Variants in RBMS3 observed in about 807,000 individuals in gnomAD.
The protein encoded by RBMS3 is RNA binding motif single stranded interacting protein 3.
In RBMS3, 27 loss-of-function variants were observed where a neutral mutation model predicts 66.8. The observed-to-expected ratio is 0.40, with a 90% CI of 0.30 to 0.56. RBMS3 has a LOEUF of 0.56. Ranked by LOEUF, RBMS3 falls within the 20% of genes least tolerant of loss-of-function variation. The pLI is 0.40. For missense variants in RBMS3, 513 were observed against 549.5 expected (o/e 0.93, Z 0.66); for synonymous variants, 188 against 183.0 (o/e 1.03, Z -0.22).
At chr3:29,941,437 G>A (rs1449288) in intron 11 of RBMS3, among the ~76,000 whole-genome samples, 128,929 of 151,778 alleles carry the variant, frequency 0.85, 55,196 homozygotes, top group East Asian at 0.95. Context: ...AATGGTAATG[G>A]GTACATCTAA....
chr3:29,627,551 T>C (rs1048390569), intron 4 of RBMS3, among the ~76,000 whole-genome samples: 2 of 152,140 alleles, frequency 1.3e-5, no homozygotes, highest in African/African-American at 4.8e-5. Context: ...ATTGTTTATA[T>C]GTTAGCTTAG....
At chr3:29,548,197 A>G (rs2046040669) in intron 3 of RBMS3, among the ~76,000 whole-genome samples, 1 of 152,092 alleles carries the variant, frequency 6.6e-6, no homozygotes, top group Admixed American at 6.6e-5. Flanking sequence ...AGGCCAAAGC[A>G]GGAAGATTGT....
At chr3:29,462,758 A>G (rs2042412623) in intron 2 of RBMS3, among the ~76,000 whole-genome samples, 1 of 152,212 alleles carries the variant, frequency 6.6e-6, no homozygotes, top group Non-Finnish European at 1.5e-5. Context: ...TCTATAACCC[A>G]GAGGGATGGA....
chr3:29,611,292 G>A (rs958177703), intron 4 of RBMS3, among the ~76,000 whole-genome samples: 2 of 152,018 alleles, frequency 1.3e-5, no homozygotes, highest in Non-Finnish European at 2.9e-5. Flanking sequence ...CCGTTTAGAA[G>A]GCATATTCTT....
intron 3 of RBMS3, among the ~76,000 whole-genome samples, chr3:29,547,305 T>C (rs1456035083): frequency 3.3e-5 from 5 of 152,144 alleles, no homozygotes; most frequent in Non-Finnish European, 7.3e-5. Flanking sequence ...CAGAAAGTCA[T>C]CAAATTACTG....
intron 4 of RBMS3, among the ~76,000 whole-genome samples, chr3:29,671,662 CAAGTGGAAGAA>C (rs984816118): frequency 2.6e-5 from 4 of 152,082 alleles, no homozygotes; most frequent in Non-Finnish European, 5.9e-5. Context: ...CTAATTCGAT[CAAGTGGAAGAA>C]AGGGTATCAG....
In RBMS3 at chr3:29,488,390, G is replaced by GTCT. The variant is rs777211776; in HGVS notation, c.249-48_249-46dup. The GTCT allele has an allele frequency of 4.7e-6, 7 of 1,491,406 alleles. No homozygotes were observed. In the African/African-American group the frequency reaches 9.8e-5, roughly 21 times the overall value. 92.4% of individuals were successfully genotyped at this position (1,491,406 alleles called of 1,614,324 possible). A position where few individuals can be genotyped will look rare whatever the true frequency, so the allele number is the denominator to read the frequency against. ...CGATGTTCATTAGAGTGTTTTAAGTGTCTTCAATGGGTTACAATAACATGG... is the reference window on the plus strand; with the variant it reads ...CGATGTTCATTAGAGTGTTTTAAGTGTCTTCTTCAATGGGTTACAATAACATGG... On this transcript the variant is annotated intron_variant, in intron 2 of 14. Transcript: ENST00000383767.
At chr3:29,808,154 A>T (rs1420613136) in intron 6 of RBMS3, among the ~76,000 whole-genome samples, 1 of 151,874 alleles carries the variant, frequency 6.6e-6, no homozygotes, top group Non-Finnish European at 1.5e-5. Flanking sequence ...ATCACACGCT[A>T]CTTGGGACCA....
intron 4 of RBMS3, chr3:29,614,826 A>C (rs372078310): frequency 6.6e-5 from 10 of 152,174 alleles, no homozygotes; most frequent in African/African-American, 2.4e-4. Flanking sequence ...CTTGATATAG[A>C]TCTATTTTAA....
intron 6 of RBMS3, among the ~76,000 whole-genome samples, chr3:29,866,186 G>A (rs371912121): frequency 4.0e-5 from 6 of 151,554 alleles, no homozygotes; most frequent in African/African-American, 1.5e-4. Flanking sequence ...TGATGGATAT[G>A]TTCATTATCT....
chr3:29,538,040 T>C (rs1463662824), intron 3 of RBMS3, among the ~76,000 whole-genome samples: 1 of 152,126 alleles, frequency 6.6e-6, no homozygotes, highest in Non-Finnish European at 1.5e-5. Flanking sequence ...GAAAGTAACC[T>C]GGGCCTGTCA....
intron 4 of RBMS3, among the ~76,000 whole-genome samples, chr3:29,625,409 T>C (rs2049022878): frequency 1.3e-5 from 2 of 152,230 alleles, no homozygotes; most frequent in African/African-American, 2.4e-5. Flanking sequence ...AGAAGTCTTT[T>C]CTTGCCAGGC....
rs797013156 is a variant in RBMS3, at chr3:29,470,908, C to T, written c.249-17533C>T. ...ATAAGTGTGTAAATTATAAACCACC[C>T]AGTGAATGGCATTAGTTACTGCTTA... On this transcript the variant is annotated intron_variant, in intron 2 of 14. Coordinates refer to ENST00000383767, the MANE Select transcript of RBMS3 (RefSeq NM_001003793.3). Among the ~76,000 whole-genome samples the T allele has an allele frequency of 1.6e-3, 249 of 152,112 alleles. 1 individual carries two copies. The highest frequency in any genetic ancestry group is 5.8e-3 in the African/African-American group (240 of 41,508).
intron 6 of RBMS3, among the ~76,000 whole-genome samples, chr3:29,828,592 A>G (rs1045334740): frequency 1.3e-5 from 2 of 152,180 alleles, no homozygotes; most frequent in African/African-American, 4.8e-5. Context: ...CTAGTTCCTT[A>G]AATAAGAAAT....
At chr3:29,570,431 A>AT (rs976786426) in intron 3 of RBMS3, among the ~76,000 whole-genome samples, 5 of 151,986 alleles carry the variant, frequency 3.3e-5, no homozygotes, top group Non-Finnish European at 7.4e-5. Flanking sequence ...CTTTCAAACT[A>AT]TTTTTTGTAC....
At chr3:29,639,792 T>C (rs1277746228) in intron 4 of RBMS3, among the ~76,000 whole-genome samples, 1 of 151,736 alleles carries the variant, frequency 6.6e-6, no homozygotes, top group Non-Finnish European at 1.5e-5. Context: ...AACAGCAATT[T>C]TTACTTCCCT....
At chr3:29,975,203 T>A (rs1168902158) in intron 12 of RBMS3, among the ~76,000 whole-genome samples, 1 of 149,728 alleles carries the variant, frequency 6.7e-6, no homozygotes, top group Non-Finnish European at 1.5e-5. Flanking sequence ...ACTTCCAGCT[T>A]AGAATCATTA....
intron 4 of RBMS3, among the ~76,000 whole-genome samples, chr3:29,613,898 C>A: frequency 6.6e-6 from 1 of 152,176 alleles, no homozygotes; most frequent in Non-Finnish European, 1.5e-5. Flanking sequence ...TTAGTACAAT[C>A]TTTATGGAAA....
chr3:29,631,133 C>T (rs1039615035), intron 4 of RBMS3, among the ~76,000 whole-genome samples: 3 of 151,874 alleles, frequency 2.0e-5, no homozygotes, highest in African/African-American at 7.2e-5. Flanking sequence ...TTTTCTCTTT[C>T]TCCTAATTGC....
Sources: gnomAD v4.1 joint callset for allele counts (sites outside exome capture counted in the v4.1 genomes callset) on GRCh38, gnomAD v4.1.1 for gene constraint, MANE v1.5 for transcripts, NCBI Gene and HGNC (gene_info 2026-07-23, HGNC 2026-07-21) for gene names.